Variants in LINGO1 observed in about 807,000 individuals in gnomAD.
LINGO1 encodes the protein leucine rich repeat and Ig domain containing 1, also known as leucine-rich repeat and immunoglobulin-like domain-containing nogo receptor-interacting protein 1.
A neutral mutation model predicts 37.3 loss-of-function variants in LINGO1; 11 were observed. The observed-to-expected ratio is 0.29, with a 90% CI of 0.19 to 0.49. The LOEUF (loss-of-function observed/expected upper bound fraction) is 0.49. Ranked by LOEUF, LINGO1 falls within the 20% of genes least tolerant of loss-of-function variation. The pLI is 0.99. For missense variants in LINGO1, 585 were observed against 878.2 expected (o/e 0.67, Z 4.22); for synonymous variants, 387 against 403.0 (o/e 0.96, Z 0.48).
At chr15:77,647,832 C>G in intron 3 of LINGO1, 1 of 455,446 alleles carries the variant, frequency 2.2e-6, no homozygotes, top group South Asian at 1.6e-5. Context: ...TTCTTTTTGG[C>G]CCTCAGCACT....
chr15:77,811,365 G>T (rs1336390763), intron 1 of LINGO1, among the ~76,000 whole-genome samples: 1 of 152,224 alleles, frequency 6.6e-6, no homozygotes, highest in Non-Finnish European at 1.5e-5. Context: ...GTTTCCAGGT[G>T]GACCCTCCAG....
upstream of LINGO1, among the ~76,000 whole-genome samples, chr15:77,789,622 T>A (rs1306209509): frequency 6.6e-6 from 1 of 151,982 alleles, no homozygotes; most frequent in Non-Finnish European, 1.5e-5. Flanking sequence ...AATAAATAAA[T>A]GATTAAATAG....
intron 2 of LINGO1, among the ~76,000 whole-genome samples, chr15:77,687,369 T>TC (rs376729521): frequency 4.6e-5 from 7 of 151,814 alleles, no homozygotes; most frequent in African/African-American, 1.2e-4. Context: ...ACATTTTCTG[T>TC]CCCCCCCTGT....
intron 2 of LINGO1, among the ~76,000 whole-genome samples, chr15:77,728,927 T>C (rs528420812): frequency 6.6e-6 from 1 of 152,396 alleles, no homozygotes; most frequent in East Asian, 1.9e-4. Flanking sequence ...CTGTTATTAC[T>C]CTGGGTCTGC....
chr15:77,699,510 GCA>G (rs1567531782), upstream of LINGO1, among the ~76,000 whole-genome samples: 1 of 2,870 alleles, frequency 3.5e-4, no homozygotes, highest in Non-Finnish European at 6.7e-4. Context: ...CACACAATAA[GCA>G]CATACTATTA....
intron 1 of LINGO1, among the ~76,000 whole-genome samples, chr15:77,809,186 G>A (rs1298867166): frequency 6.6e-6 from 1 of 152,234 alleles, no homozygotes; most frequent in African/African-American, 2.4e-5. Context: ...CTCCCAGGGG[G>A]ATGAGGAGCA....
At position 77,721,361 on chromosome 15, in the gene LINGO1, C is replaced by T. The variant is rs114475450; in HGVS notation, c.-195+13631G>A. Among the ~76,000 whole-genome samples, 602 of 152,216 alleles carry T rather than the reference C, an allele frequency of 4.0e-3. 7 individuals carry two copies. Among genetic ancestry groups the T allele is most frequent in the African/African-American group, 0.014 (566 of 41,524 alleles). On this transcript the variant is annotated intron_variant, in intron 2 of 3. Coordinates refer to the LINGO1 transcript ENST00000561686. ...CCCCTCTTCCCCCAGCCACTGCCTC[C>T]CACCCTCTCGGCTCACACATTCATC... is the stretch of plus-strand genomic sequence containing the variant.
chr15:77,759,742 CGTCT>C (rs1357047559), intron 1 of LINGO1, among the ~76,000 whole-genome samples: 1 of 152,214 alleles, frequency 6.6e-6, no homozygotes, highest in Non-Finnish European at 1.5e-5. Context: ...TACATGGGGG[CGTCT>C]ACCTCTCTGT....
chr15:77,799,662 C>T (rs1288768337), intron 1 of LINGO1, among the ~76,000 whole-genome samples: 1 of 152,202 alleles, frequency 6.6e-6, no homozygotes, highest in East Asian at 1.9e-4. Context: ...TCCCATGAGC[C>T]AGGCATGACA....
intron 3 of LINGO1, chr15:77,641,791 C>T (rs2074512779): frequency 1.5e-5 from 7 of 452,916 alleles, no homozygotes; most frequent in South Asian, 4.7e-5. Context: ...TGTCCCAGCA[C>T]TGTGGGTTCA....
At chr15:77,720,748 G>C (rs1259841864) in intron 2 of LINGO1, 1 of 151,712 alleles carries the variant, frequency 6.6e-6, no homozygotes, top group Non-Finnish European at 1.5e-5. Context: ...TTAGATCTCA[G>C]AGTGGAGACC....
rs564198087 is a variant in LINGO1 at position 77,811,000 on chromosome 15, G to A, written c.-458+9258C>T. ...GCTCACCCCCTTGAGTTTCACTTCC[G>A]ATCTGTTCCGAGGTTACAGAGTCTT... On this transcript the variant is annotated intron_variant, in intron 1 of 5. Coordinates refer to the LINGO1 transcript ENST00000562933. Among the ~76,000 whole-genome samples the A allele has an allele frequency of 1.1e-4, 16 of 151,798 alleles. No individual in the cohort carries two copies. In the East Asian group the frequency reaches 2.9e-3, roughly 28 times the overall value.
intron 1 of LINGO1, among the ~76,000 whole-genome samples, chr15:77,691,546 G>A (rs915670578): frequency 1.3e-5 from 2 of 152,034 alleles, no homozygotes; most frequent in South Asian, 2.1e-4. Context: ...CCCTTGAAGG[G>A]ACCTACCTCC....
intron 3 of LINGO1, among the ~76,000 whole-genome samples, chr15:77,664,857 G>A (rs1010901335): frequency 6.6e-6 from 1 of 152,192 alleles, no homozygotes; most frequent in Admixed American, 6.5e-5. Flanking sequence ...GCTGCTGGCC[G>A]TGGCAGGGGC....
At chr15:77,632,964 C>G (rs2074311331), upstream of LINGO1, among the ~76,000 whole-genome samples, 1 of 150,362 alleles carries the variant, frequency 6.7e-6, no homozygotes, top group Admixed American at 6.6e-5. This position sits in a 1 kb window ranked among gnomAD's most constrained non-coding sequence, Gnocchi z 6.0. Flanking sequence ...AGCGAGTGAG[C>G]CGCGGGAGCC....
intron 3 of LINGO1, among the ~76,000 whole-genome samples, chr15:77,640,856 TC>T (rs2074489146): frequency 6.7e-6 from 1 of 149,826 alleles, no homozygotes; most frequent in African/African-American, 2.4e-5. Context: ...ATTCATTCAT[TC>T]ATTCATCAAA....
intron 1 of LINGO1, among the ~76,000 whole-genome samples, chr15:77,751,558 C>T (rs560745037): frequency 7.2e-5 from 11 of 152,254 alleles, no homozygotes; most frequent in African/African-American, 2.6e-4. Flanking sequence ...CACCTCCAGC[C>T]CATCCCTGGA....
At chr15:77,721,150 C>A (rs986235532) in intron 2 of LINGO1, among the ~76,000 whole-genome samples, 2 of 152,118 alleles carry the variant, frequency 1.3e-5, no homozygotes, top group Non-Finnish European at 2.9e-5. Flanking sequence ...TCTGTCCATA[C>A]CACAAATCCA....
intron 1 of LINGO1, among the ~76,000 whole-genome samples, chr15:77,625,974 C>T (rs1877294): frequency 0.18 from 27,581 of 152,118 alleles, 5,377 homozygotes; most frequent in African/African-American, 0.49. Flanking sequence ...CCCCACCAAC[C>T]CTCACCACGT....
Sources: gnomAD v4.1 joint callset for allele counts (sites outside exome capture counted in the v4.1 genomes callset) on GRCh38, gnomAD v4.1.1 for gene constraint, Gnocchi (gnomAD v3.1) non-coding constraint, MANE v1.5 for transcripts, NCBI Gene and HGNC (gene_info 2026-07-23, HGNC 2026-07-21) for gene names.